NUDT21: variants seen among roughly 807,000 people sequenced by gnomAD.
The protein encoded by NUDT21 is nudix hydrolase 21, also known as cleavage and polyadenylation specificity factor subunit 5.
Under a neutral mutation model 29.8 loss-of-function variants are expected in NUDT21, and 5 were observed. That is an observed-to-expected ratio of 0.17 (90% CI 0.09 to 0.35). NUDT21 has a LOEUF of 0.35. Among genes scored for constraint, NUDT21 ranks in the 10% least tolerant of loss-of-function variants. NUDT21 has a pLI of 1.00. For synonymous variants in NUDT21, 113 were observed against 98.5 expected (o/e 1.15, Z -0.87); for missense variants, 76 against 276.0 (o/e 0.28, Z 5.13).
intron 6 of NUDT21, 87 bp from the exon 7 acceptor site, chr16:56,432,820 G>A (rs2143930896): frequency 1.0e-6 from 1 of 998,802 alleles, no homozygotes; most frequent in East Asian, 2.6e-5. Context: ...GGATGTTTCT[G>A]CCCTCCCTTA....
chr16:56,431,811 A>C lies in NUDT21; in HGVS notation c.*901T>G, dbSNP rs1962037874. On this transcript the variant is annotated 3_prime_UTR_variant, in exon 7 of 7. Coordinates refer to ENST00000300291, the MANE Select transcript of NUDT21 (RefSeq NM_007006.3). ...TGCCCCCAGTTTTCGGTTGATTCACATTATTCCAAAAATATTTTTGAAGGC... is the reference window on the plus strand; with the variant it reads ...TGCCCCCAGTTTTCGGTTGATTCACCTTATTCCAAAAATATTTTTGAAGGC... 6.6e-6 allele frequency: 1 copy of C among 152,174 alleles called. No homozygotes were observed. The highest frequency in any genetic ancestry group is 1.5e-5 in the Non-Finnish European group (1 of 68,020). 9.4% of individuals were successfully genotyped at this position (152,174 alleles called of 1,614,324 possible). A position where few individuals can be genotyped will look rare whatever the true frequency, so the allele number is the denominator to read the frequency against.
chr16:56,436,334 T>G (rs557147044), intron 4 of NUDT21, among the ~76,000 whole-genome samples: 65 of 152,318 alleles, frequency 4.3e-4, no homozygotes, highest in African/African-American at 1.5e-3. Flanking sequence ...GCTAAGTATC[T>G]TTCCCAAGAT....
At chr16:56,436,702 AT>A (rs1283409236) in intron 4 of NUDT21, among the ~76,000 whole-genome samples, 5 of 152,176 alleles carry the variant, frequency 3.3e-5, no homozygotes, top group African/African-American at 1.2e-4. Flanking sequence ...ACATGTTCCT[AT>A]TTTTTTAAGC....
rs1337268150 is a variant in NUDT21 at position 56,434,392 on chromosome 16, A to G, written c.601T>C (p.Leu201=). 6.2e-7 allele frequency: 1 copy of G among 1,613,968 alleles called. No homozygotes were observed. Among genetic ancestry groups the G allele is most frequent in the Non-Finnish European group, 8.5e-7 (1 of 1,179,862 alleles). The change falls in exon 6 of 7, where the codon TTG becomes CTG. Residue 201 remains leucine (L), a synonymous_variant. Coordinates refer to ENST00000300291, the MANE Select transcript of NUDT21 (RefSeq NM_007006.3). ...YKLVAAPLFE[L]YDNAPGYGPI... ...CCATATCCTGGTGCATTGTCATACA[A>G]TTCAAACAATGGTGCAGCTACCAGC...
intron 3 of NUDT21, 39 bp from the exon 4 acceptor site, chr16:56,439,785 T>C (rs761783351): frequency 2.7e-6 from 4 of 1,480,332 alleles, no homozygotes; most frequent in South Asian, 2.3e-5. Context: ...ACTAAATATA[T>C]GTACTCACAA....
intron 3 of NUDT21, among the ~76,000 whole-genome samples, chr16:56,444,494 GA>G (rs1567539719): frequency 6.6e-6 from 1 of 151,044 alleles, no homozygotes; most frequent in African/African-American, 2.4e-5. Flanking sequence ...TGAGGCAGGA[GA>G]ATCGCTTGAA....
At position 56,447,926 on chromosome 16, in the gene NUDT21, A is replaced by G. The variant is rs1962236633; in HGVS notation, c.180T>C (p.Val60=). The change falls in exon 2 of 7, where the codon GTT becomes GTC. Residue 60 remains valine (V), a synonymous_variant. Coordinates refer to ENST00000300291, the MANE Select transcript of NUDT21 (RefSeq NM_007006.3). ...KEPLYEKDSS[V]AARFQRMREE... is the part of the protein sequence containing the mutation. ...CCCTCATGCGCTGAAATCTGGCTGC[A>G]ACAGAGCTGTCCTTCTCGTAGAGGG... 15 of 1,614,060 alleles carry G rather than the reference A, an allele frequency of 9.3e-6. No individual in the cohort carries two copies. The highest frequency in any genetic ancestry group is 1.3e-5 in the Non-Finnish European group (15 of 1,179,990).
chr16:56,433,037 ACT>A (rs1466033145), intron 6 of NUDT21, among the ~76,000 whole-genome samples: 2 of 152,182 alleles, frequency 1.3e-5, no homozygotes, highest in African/African-American at 4.8e-5. Context: ...ATGTCCTTAT[ACT>A]CTGACTACTC....
At chr16:56,442,779 G>A (rs1962174027) in intron 3 of NUDT21, among the ~76,000 whole-genome samples, 1 of 152,086 alleles carries the variant, frequency 6.6e-6, no homozygotes, top group Non-Finnish European at 1.5e-5. Flanking sequence ...CTTCTAGAAT[G>A]ACCCACTAAT....
Position 56,432,469 on chromosome 16 carries a change from T to G in NUDT21, c.*243A>C, listed in dbSNP as rs1167304007. ...GAAATTAAAATAAAAAAAGTCCATT[T>G]TCTTTAATGTTGTACAAAAAAGTAT... On this transcript the variant is annotated 3_prime_UTR_variant, in exon 7 of 7. Coordinates refer to ENST00000300291, the MANE Select transcript of NUDT21 (RefSeq NM_007006.3). 1 of 379,918 alleles carries G rather than the reference T, an allele frequency of 2.6e-6. No individual in the cohort carries two copies. The highest frequency in any genetic ancestry group is 4.8e-6 in the Non-Finnish European group (1 of 207,986). The allele number at this position is 379,918 out of a possible 1,614,324, so 23.5% of individuals were successfully genotyped here.
Position 56,430,853 on chromosome 16 carries a change from C to T in NUDT21, c.*1859G>A, listed in dbSNP as rs1413635126. On this transcript the variant is annotated 3_prime_UTR_variant, in exon 7 of 7. Coordinates refer to ENST00000300291, the MANE Select transcript of NUDT21 (RefSeq NM_007006.3). ...CAACTAGGCCTTAGTGTATGGATGA[C>T]TGGCTCACGTACTTACTGTATATTG... 1 of 152,224 alleles carries T rather than the reference C, an allele frequency of 6.6e-6. No individual in the cohort carries two copies. Among genetic ancestry groups the T allele is most frequent in the Admixed American group, 6.5e-5 (1 of 15,286 alleles). 9.4% of individuals were successfully genotyped at this position (152,224 alleles called of 1,614,324 possible).
At chr16:56,434,876 A>G (rs1303811910) in intron 4 of NUDT21, 47 bp from the exon 5 acceptor site, 1 of 1,125,546 alleles carries the variant, frequency 8.9e-7, no homozygotes, top group African/African-American at 1.5e-5. Flanking sequence ...CCATGGCTTC[A>G]TTTCTTTACA....
chr16:56,451,005 G>T, intron 1 of NUDT21, 82 bp downstream of exon 1: 3 of 1,188,460 alleles, frequency 2.5e-6, no homozygotes, highest in Non-Finnish European at 3.7e-6. Context: ...GGCGTGAAGC[G>T]CGCCGAAAAG....
In NUDT21 at chr16:56,431,547, A is replaced by C. The variant is rs1962033593; in HGVS notation, c.*1165T>G. On this transcript the variant is annotated 3_prime_UTR_variant, in exon 7 of 7. Coordinates refer to ENST00000300291, the MANE Select transcript of NUDT21 (RefSeq NM_007006.3). ...AATCAAAAGTTCATTTCTATTAAAA[A>C]CCCTTTTTTCCTTAAGTAGCTACAT... 1 of 151,882 alleles carries C rather than the reference A, an allele frequency of 6.6e-6. No homozygotes were observed. The highest frequency in any genetic ancestry group is 2.4e-5 in the African/African-American group (1 of 41,314). 9.4% of individuals were successfully genotyped at this position (151,882 alleles called of 1,614,324 possible).
At chr16:56,447,490 G>A (rs543766052) in intron 2 of NUDT21, among the ~76,000 whole-genome samples, 1 of 152,198 alleles carries the variant, frequency 6.6e-6, no homozygotes. Flanking sequence ...AATATCAATT[G>A]TTCTTGGTAA....
At chr16:56,448,133 G>A (rs192397607) in intron 1 of NUDT21, 144 bp from the exon 2 acceptor site, 1 of 658,968 alleles carries the variant, frequency 1.5e-6, no homozygotes, top group East Asian at 2.8e-5. Flanking sequence ...TAAAGTTAAT[G>A]AAACAGCAGA....
intron 4 of NUDT21, chr16:56,439,371 C>T: frequency 3.3e-6 from 1 of 301,546 alleles, no homozygotes; most frequent in Non-Finnish European, 6.4e-6. Context: ...CGAGCTTTCA[C>T]CATGTTGGCC....
At chr16:56,449,373 T>A (rs1962252910) in intron 1 of NUDT21, 1 of 152,192 alleles carries the variant, frequency 6.6e-6, no homozygotes, top group African/African-American at 2.4e-5. Flanking sequence ...CCACTGTATA[T>A]CCAGTATTGT....
rs185292035 is a variant in NUDT21, at chr16:56,445,180, G to A, written c.381+1446C>T. Among the ~76,000 whole-genome samples the A allele has an allele frequency of 2.8e-4, 43 of 151,188 alleles. No individual in the cohort carries two copies. The South Asian group carries it at 8.1e-3, about 29-fold the overall frequency. Reference sequence around the variant, plus strand: ...GCCTGGGTGACAAGAGAGAGACTTCGTCTCAAGAAAAAAAAAAAGGAAATG... The same window carrying A: ...GCCTGGGTGACAAGAGAGAGACTTCATCTCAAGAAAAAAAAAAAGGAAATG... On this transcript the variant is annotated intron_variant, in intron 3 of 6. Transcript: ENST00000300291.
Sources: allele counts gnomAD v4.1 joint callset (sites outside exome capture counted in the v4.1 genomes callset), GRCh38; gene constraint gnomAD v4.1.1; transcripts MANE v1.5; gene names NCBI Gene and HGNC (gene_info 2026-07-23, HGNC 2026-07-21).